AP1S3: variants seen among roughly 807,000 people sequenced by gnomAD.
AP1S3 encodes the protein adaptor related protein complex 1 subunit sigma 3.
AP1S3 carries 10 observed loss-of-function variants against 20.9 expected under a neutral mutation model. That is an observed-to-expected ratio of 0.48 (90% CI 0.29 to 0.81). The LOEUF is 0.81. Ranked by LOEUF, AP1S3 falls within the 30% of genes least tolerant of loss-of-function variation. The pLI is 0.08. For synonymous variants in AP1S3, 41 were observed against 61.5 expected (o/e 0.67, Z 1.56); for missense variants, 154 against 183.8 (o/e 0.84, Z 0.94).
chr2:223,822,784 A>AT (rs1692020938), intron 1 of AP1S3, among the ~76,000 whole-genome samples: 1 of 152,196 alleles, frequency 6.6e-6, no homozygotes, highest in Non-Finnish European at 1.5e-5. Context: ...AAAACAACCA[A>AT]CAGAGTGAAG....
chr2:223,783,454 T>C (rs752077759), intron 1 of AP1S3, among the ~76,000 whole-genome samples: 12 of 152,246 alleles, frequency 7.9e-5, no homozygotes, highest in Non-Finnish European at 1.3e-4. Flanking sequence ...CTTGGTCTAA[T>C]TGGGCACAGT....
intron 1 of AP1S3, among the ~76,000 whole-genome samples, chr2:223,809,627 G>C (rs1275311437): frequency 6.6e-6 from 1 of 151,894 alleles, no homozygotes; most frequent in Non-Finnish European, 1.5e-5. Flanking sequence ...CTGGGGGACA[G>C]AGTGAGACTC....
At chr2:223,770,451 A>G in intron 3 of AP1S3, 2 of 1,350,796 alleles carry the variant, frequency 1.5e-6, no homozygotes, top group Non-Finnish European at 2.0e-6. Flanking sequence ...TACTAGTTTC[A>G]AGGGATAAGG....
At chr2:223,800,507 T>A (rs1312904182) in intron 1 of AP1S3, among the ~76,000 whole-genome samples, 1 of 151,202 alleles carries the variant, frequency 6.6e-6, no homozygotes, top group Non-Finnish European at 1.5e-5. Flanking sequence ...TTCAGTCTGG[T>A]GACAGAGCAA....
chr2:223,775,129 G>A (rs1372856971), intron 3 of AP1S3, among the ~76,000 whole-genome samples: 1 of 151,798 alleles, frequency 6.6e-6, no homozygotes, highest in Non-Finnish European at 1.5e-5. Context: ...GACTCAAGAG[G>A]AATCGCTGGT....
intron 1 of AP1S3, among the ~76,000 whole-genome samples, chr2:223,820,284 GT>G (rs1691957011): frequency 6.6e-6 from 1 of 152,022 alleles, no homozygotes; most frequent in Non-Finnish European, 1.5e-5. Flanking sequence ...GGTCCATTAC[GT>G]TTTAAAATGT....
At position 223,835,738 on chromosome 2, in the gene AP1S3, C is replaced by G. The variant is rs1389775876; in HGVS notation, c.3+1710G>C. Among the ~76,000 whole-genome samples, 4 of 152,170 alleles carry G rather than the reference C, an allele frequency of 2.6e-5. No homozygotes were observed. In the East Asian group the frequency reaches 7.7e-4, roughly 29 times the overall value. On this transcript the variant is annotated intron_variant, in intron 1 of 4. Transcript: ENST00000396654. ...AGAAACTTCCCACATTTCTGATCAA[C>G]TCATCACACATATGACACCAGCAAG...
chr2:223,762,327 C>A (rs2106076422), intron 4 of AP1S3, among the ~76,000 whole-genome samples: 2 of 126,992 alleles, frequency 1.6e-5, no homozygotes, highest in African/African-American at 7.2e-5. Context: ...GGCTGGAGTG[C>A]AGTGGTGGAA....
At chr2:223,787,092 G>C (rs1410837661) in intron 1 of AP1S3, among the ~76,000 whole-genome samples, 2 of 152,230 alleles carry the variant, frequency 1.3e-5, no homozygotes, top group Middle Eastern at 3.4e-3. Context: ...CAGTGAGTGA[G>C]TTATTGTGAG....
At chr2:223,778,674 A>G (rs631922) in intron 1 of AP1S3, among the ~76,000 whole-genome samples, 53,036 of 151,462 alleles carry the variant, frequency 0.35, 14,353 homozygotes, top group East Asian at 0.75. Context: ...GAACGAGAAA[A>G]TGAGAAGCTG....
chr2:223,826,639 TTC>T (rs1692135570), intron 1 of AP1S3, among the ~76,000 whole-genome samples: 2 of 151,998 alleles, frequency 1.3e-5, no homozygotes, highest in South Asian at 4.2e-4. Context: ...CTATTCATAT[TTC>T]ATAGAGATGC....
At chr2:223,817,268 GA>G (rs1457023570) in intron 1 of AP1S3, among the ~76,000 whole-genome samples, 5 of 152,130 alleles carry the variant, frequency 3.3e-5, no homozygotes, top group Admixed American at 3.3e-4. Context: ...TCTGCCTGAA[GA>G]AAGATGTGTT....
At chr2:223,835,111 G>A (rs937921334) in intron 1 of AP1S3, among the ~76,000 whole-genome samples, 60 of 78,814 alleles carry the variant, frequency 7.6e-4, no homozygotes, top group African/African-American at 2.7e-3. Context: ...GGACTGCTGG[G>A]GGTACCCAGG....
At chr2:223,763,491 T>TA (rs67644770) in intron 4 of AP1S3, among the ~76,000 whole-genome samples, 4 of 151,340 alleles carry the variant, frequency 2.6e-5, no homozygotes, top group Non-Finnish European at 5.9e-5. Context: ...GTCCTGAAGT[T>TA]AAAAAAAAAC....
chr2:223,786,791 A>G (rs111623545), intron 1 of AP1S3, among the ~76,000 whole-genome samples: 12,770 of 151,976 alleles, frequency 0.084, 1,794 homozygotes, highest in African/African-American at 0.29. Context: ...TGCAGTCCCA[A>G]CTACTTGGGG....
At chr2:223,790,771 G>T (rs1691198383) in intron 1 of AP1S3, among the ~76,000 whole-genome samples, 1 of 152,142 alleles carries the variant, frequency 6.6e-6, no homozygotes, top group Non-Finnish European at 1.5e-5. Context: ...GTGTGTGTGT[G>T]TTGTGACAAC....
At chr2:223,799,089 A>G (rs1470948158) in intron 1 of AP1S3, among the ~76,000 whole-genome samples, 2 of 152,018 alleles carry the variant, frequency 1.3e-5, no homozygotes, top group African/African-American at 4.8e-5. Context: ...AAAGAGAGAG[A>G]GGGAGATAAG....
At chr2:223,770,654 CTATAGT>C (rs1690601947) in intron 3 of AP1S3, among the ~76,000 whole-genome samples, 1 of 151,440 alleles carries the variant, frequency 6.6e-6, no homozygotes. Context: ...AAGTGCTACC[CTATAGT>C]TATTCTTTGA....
At position 223,756,658 on chromosome 2, in the gene AP1S3, A is replaced by G. The variant is rs1397794064; in HGVS notation, c.*2057T>C. 2.0e-6 allele frequency: 2 copies of G among 985,224 alleles called. No homozygotes were observed. The highest frequency in any genetic ancestry group is 1.7e-5 in the African/African-American group (1 of 57,244). 61.0% of individuals were successfully genotyped at this position (985,224 alleles called of 1,614,324 possible). A position where few individuals can be genotyped will look rare whatever the true frequency, so the allele number is the denominator to read the frequency against. On this transcript the variant is annotated 3_prime_UTR_variant, in exon 5 of 5. Coordinates refer to ENST00000396654, the MANE Select transcript of AP1S3 (RefSeq NM_001039569.2). Reference sequence around the variant, plus strand: ...AGTAAAAGCCTAATGATTATTTTATATGCTAATCTGAGTTATTTCCTTTGA... The same window carrying G: ...AGTAAAAGCCTAATGATTATTTTATGTGCTAATCTGAGTTATTTCCTTTGA...
Sources: allele counts gnomAD v4.1 joint callset (sites outside exome capture counted in the v4.1 genomes callset), GRCh38; gene constraint gnomAD v4.1.1; transcripts MANE v1.5; gene names NCBI Gene and HGNC (gene_info 2026-07-23, HGNC 2026-07-21).